Variants in MYO18B observed in about 807,000 individuals in gnomAD.
MYO18B encodes unconventional myosin-XVIIIb.
A neutral mutation model predicts 273.0 loss-of-function variants in MYO18B; 204 were observed. That is an observed-to-expected ratio of 0.75 (90% confidence interval 0.67 to 0.84). The LOEUF (loss-of-function observed/expected upper bound fraction) is 0.84. Among genes scored for constraint, MYO18B ranks in the 40% least tolerant of loss-of-function variants. The probability of loss-of-function intolerance (pLI) is 0.00; values close to 1 mark genes in which losing one functional copy is unlikely to be tolerated. For missense variants in MYO18B, 3,212 were observed against 3,287.6 expected, an observed-to-expected ratio of 0.98 and a Z score of 0.56; for synonymous variants, 1,330 against 1,305.7, an observed-to-expected ratio of 1.02 and a Z score of -0.40.
chr22:25,887,110 G>A (rs575566910), intron 25 of MYO18B, among the ~76,000 whole-genome samples: 1 of 152,268 alleles, frequency 6.6e-6, no homozygotes, highest in Non-Finnish European at 1.5e-5. Context: ...GATGGTTTTT[G>A]GGCTTGACAG....
At chr22:25,961,435 T>C (rs901577715) in intron 39 of MYO18B, among the ~76,000 whole-genome samples, 1 of 152,164 alleles carries the variant, frequency 6.6e-6, no homozygotes, top group African/African-American at 2.4e-5. Context: ...GTAGTTTGAA[T>C]GTTTGTCCCT....
At chr22:26,060,424 G>A in the MYO18B span, among the ~76,000 whole-genome samples, 10 of 152,230 alleles carry the variant, frequency 6.6e-5, no homozygotes, top group Non-Finnish European at 8.8e-5. Context: ...ATGACCTCCT[G>A]ACCTTTTCCC....
chr22:25,777,878 T>G (rs1483852615), intron 8 of MYO18B, 97 bp downstream of exon 8: 6 of 1,225,634 alleles, frequency 4.9e-6, no homozygotes, highest in Admixed American at 5.0e-5. Context: ...TCAGCTAGCA[T>G]TCACTGAGCA....
At chr22:25,964,634 A>C (rs1024370050) in intron 39 of MYO18B, among the ~76,000 whole-genome samples, 2 of 152,142 alleles carry the variant, frequency 1.3e-5, no homozygotes, top group African/African-American at 4.8e-5. Flanking sequence ...CTAGAGGCAA[A>C]TAGCATTTCT....
At chr22:25,981,030 T>C (rs1464885514) in intron 39 of MYO18B, among the ~76,000 whole-genome samples, 1 of 152,228 alleles carries the variant, frequency 6.6e-6, no homozygotes, top group Non-Finnish European at 1.5e-5. Flanking sequence ...TGTGACATTC[T>C]CCCTGTGTCC....
chr22:25,769,659 C>G (rs1022327817), intron 4 of MYO18B, among the ~76,000 whole-genome samples: 1 of 152,142 alleles, frequency 6.6e-6, no homozygotes, highest in African/African-American at 2.4e-5. Flanking sequence ...GAATTCCCCA[C>G]AGAGTGAGGG....
Position 25,992,386 on chromosome 22 carries a change from AGCAGTGAG to A in MYO18B, c.6184_6191del (p.Val2062AsnfsTer27). The stretch of plus-strand genomic sequence containing the variant: ...AGGAGAAGTACGTGGAGGAACTTGC[AGCAGTGAG>A]GCAAACCCTCCAGACAGACCTGGAG... On this transcript the variant is annotated frameshift_variant, in exon 40 of 44. Transcript: ENST00000335473. LOFTEE classifies it high-confidence loss of function. The A allele has an allele frequency of 1.2e-6, 2 of 1,614,058 alleles. No individual in the cohort carries two copies. Among genetic ancestry groups the A allele is most frequent in the South Asian group, 2.2e-5 (2 of 91,086 alleles).
At chr22:25,884,446 A>C (rs921106644) in intron 25 of MYO18B, among the ~76,000 whole-genome samples, 2 of 152,148 alleles carry the variant, frequency 1.3e-5, no homozygotes, top group Non-Finnish European at 2.9e-5. Context: ...GTCTTAGGCT[A>C]TTAGGATCTG....
At chr22:25,935,889 C>T (rs368183515) in intron 34 of MYO18B, among the ~76,000 whole-genome samples, 6 of 152,340 alleles carry the variant, frequency 3.9e-5, no homozygotes, top group African/African-American at 1.4e-4. Flanking sequence ...GGCTTCTTCC[C>T]AAGGATGCAT....
At chr22:25,755,073 T>A (rs2086067871) in intron 1 of MYO18B, among the ~76,000 whole-genome samples, 1 of 152,168 alleles carries the variant, frequency 6.6e-6, no homozygotes, top group African/African-American at 2.4e-5. Context: ...AGTCTGTGAG[T>A]CACTCGGGGG....
intron 33 of MYO18B, among the ~76,000 whole-genome samples, chr22:25,920,958 T>G (rs1193555419): frequency 6.6e-6 from 1 of 152,166 alleles, no homozygotes; most frequent in Admixed American, 6.5e-5. Context: ...CAGAGTGGCT[T>G]TGGATCCATA....
At chr22:25,889,345 C>T (rs563116350) in intron 25 of MYO18B, among the ~76,000 whole-genome samples, 19 of 152,180 alleles carry the variant, frequency 1.2e-4, no homozygotes, top group African/African-American at 4.6e-4. Flanking sequence ...AATGCAGAGT[C>T]GCCTCTAAAT....
At chr22:25,823,828 G>A in intron 13 of MYO18B, 150 bp downstream of exon 13, 1 of 823,774 alleles carries the variant, frequency 1.2e-6, no homozygotes. Context: ...GCCATCGTGG[G>A]TGGAAAGGGA....
chr22:25,857,487 GTCTT>G (rs757955686), intron 21 of MYO18B, among the ~76,000 whole-genome samples: 2 of 82,732 alleles, frequency 2.4e-5, no homozygotes, highest in Non-Finnish European at 5.3e-5. Context: ...CATCTCAAGA[GTCTT>G]TATCTGCTGG....
chr22:25,804,788 G>C (rs1453813876), intron 12 of MYO18B, among the ~76,000 whole-genome samples: 2 of 152,238 alleles, frequency 1.3e-5, no homozygotes, highest in Admixed American at 6.5e-5. Flanking sequence ...CCGGCAGCGA[G>C]AAGGCTCCTG....
At chr22:25,767,489 C>T (rs2086547652) in intron 3 of MYO18B, among the ~76,000 whole-genome samples, 1 of 152,186 alleles carries the variant, frequency 6.6e-6, no homozygotes, top group African/African-American at 2.4e-5. Context: ...TCTGGATGGT[C>T]AGGTGGTATC....
chr22:26,051,694 G>C, the MYO18B span, among the ~76,000 whole-genome samples: 3 of 152,106 alleles, frequency 2.0e-5, no homozygotes, highest in Non-Finnish European at 4.4e-5. Context: ...TTCCCCATGG[G>C]TAATCATTCC....
rs1376741510 is a variant in MYO18B, at chr22:25,847,550, G to A, written c.3673G>A (p.Asp1225Asn). Residue 1225 changes from aspartate to asparagine, a missense_variant, in exon 20 of 44, where the codon GAC becomes AAC. Asp to Asn is a conservative substitution (Grantham distance 23). Coordinates refer to ENST00000335473, the MANE Select transcript of MYO18B (RefSeq NM_032608.7). ...TCCACCACCACCGCAGCCTGGTAGA[G>A]ACAAGCCTGGGGCAGGTGGACCTCT... ...ESPPPPQPGRDKPGAGGPLAL... is the reference protein window; with the variant it reads ...ESPPPPQPGRNKPGAGGPLAL... 1.9e-6 allele frequency: 3 copies of A among 1,570,948 alleles called. No homozygotes were observed. The highest frequency in any genetic ancestry group is 2.6e-6 in the Non-Finnish European group (3 of 1,157,932).
chr22:25,990,138 C>G (rs539312699), intron 39 of MYO18B, among the ~76,000 whole-genome samples: 2 of 152,326 alleles, frequency 1.3e-5, no homozygotes, highest in East Asian at 3.9e-4. Context: ...CTGCCTCTCT[C>G]TCTCTCTTTA....
Sources: gnomAD v4.1 joint callset for allele counts (sites outside exome capture counted in the v4.1 genomes callset) on GRCh38, gnomAD v4.1.1 for gene constraint, MANE v1.5 for transcripts, NCBI Gene and HGNC (gene_info 2026-07-23, HGNC 2026-07-21) for gene names.